Variants in GDA observed in about 807,000 individuals in gnomAD.
The protein encoded by GDA is cytoplasmic PSD-95 interactor.
In GDA, 18 loss-of-function variants were observed where a neutral mutation model predicts 59.6. The observed-to-expected ratio is 0.30, with a 90% confidence interval of 0.21 to 0.45. The LOEUF (loss-of-function observed/expected upper bound fraction) is 0.45. Ranked by LOEUF, GDA falls within the 20% of genes least tolerant of loss-of-function variation. The probability of loss-of-function intolerance (pLI) is 1.00; values close to 1 mark genes in which losing one functional copy is unlikely to be tolerated. For missense variants in GDA, 427 were observed against 552.3 expected (o/e 0.77, Z 2.27); for synonymous variants, 201 against 201.1 (o/e 1.00, Z 0.00).
intron 1 of GDA, among the ~76,000 whole-genome samples, chr9:72,164,424 C>T (rs1829034506): frequency 6.6e-6 from 1 of 151,870 alleles, no homozygotes; most frequent in South Asian, 2.1e-4. Flanking sequence ...AACTGTTGAC[C>T]CTAGGAAGCT....
At chr9:72,165,135 A>G (rs940377424) in intron 1 of GDA, among the ~76,000 whole-genome samples, 1 of 152,174 alleles carries the variant, frequency 6.6e-6, no homozygotes, top group Non-Finnish European at 1.5e-5. Context: ...CTGTATTTGT[A>G]TGATTTTTCC....
chr9:72,255,413 C>T (rs1840861133), downstream of GDA, among the ~76,000 whole-genome samples: 1 of 152,158 alleles, frequency 6.6e-6, no homozygotes, highest in African/African-American at 2.4e-5. Context: ...CCAGTTTCTT[C>T]ACTTTATCCT....
At chr9:72,196,836 T>G (rs1408194151) in intron 2 of GDA, among the ~76,000 whole-genome samples, 1 of 143,110 alleles carries the variant, frequency 7.0e-6, no homozygotes, top group Non-Finnish European at 1.5e-5. Flanking sequence ...AATGAGAACA[T>G]GCGGTGTTTG....
intron 1 of GDA, among the ~76,000 whole-genome samples, chr9:72,144,084 T>G (rs1826537963): frequency 6.6e-6 from 1 of 151,888 alleles, no homozygotes; most frequent in African/African-American, 2.4e-5. Flanking sequence ...TACCCGGGTA[T>G]GGTAGCAGGT....
intron 1 of GDA, among the ~76,000 whole-genome samples, chr9:72,158,656 GTGT>G (rs1041698813): frequency 2.0e-5 from 3 of 151,956 alleles, no homozygotes; most frequent in African/African-American, 7.2e-5. Flanking sequence ...GTGAGATAGT[GTGT>G]TGTTATTATT....
chr9:72,153,972 A>T (rs533933635), intron 1 of GDA, among the ~76,000 whole-genome samples: 11 of 148,198 alleles, frequency 7.4e-5, no homozygotes, highest in Admixed American at 2.7e-4. Flanking sequence ...ATAAAAAAAA[A>T]ATATAGACTC....
chr9:72,140,017 A>G (rs1049088853), intron 1 of GDA, among the ~76,000 whole-genome samples: 1 of 152,038 alleles, frequency 6.6e-6, no homozygotes, highest in African/African-American at 2.4e-5. Flanking sequence ...TCTGGACACT[A>G]TATTCCAAGT....
intron 1 of GDA, among the ~76,000 whole-genome samples, chr9:72,177,343 G>T (rs1180392194): frequency 6.6e-6 from 1 of 151,958 alleles, no homozygotes; most frequent in South Asian, 2.1e-4. Context: ...TGATCCACCC[G>T]CCTCGGCCTC....
intron 1 of GDA, among the ~76,000 whole-genome samples, chr9:72,190,105 CCTTTT>C (rs1188041432): frequency 1.3e-5 from 2 of 151,874 alleles, no homozygotes; most frequent in Admixed American, 1.3e-4. Flanking sequence ...TGTTTTCTTT[CCTTTT>C]CTTGTTTTTT....
intron 1 of GDA, 63 bp from the exon 2 acceptor site, chr9:72,195,436 TA>T: frequency 1.7e-6 from 1 of 579,580 alleles, no homozygotes; most frequent in Admixed American, 3.2e-5. Context: ...ACATATTTAA[TA>T]AAAAACAAAT....
Position 72,250,791 on chromosome 9 carries a change from C to T in GDA, c.*2449C>T. On this transcript the variant is annotated 3_prime_UTR_variant, in exon 14 of 14. Coordinates refer to ENST00000358399, the MANE Select transcript of GDA (RefSeq NM_004293.5). Reference sequence around the variant, plus strand: ...TTACCAGCCTCCTCACCCCATCCTCCACCATTTCCTTAATGTTCCATGGTA... The same window carrying T: ...TTACCAGCCTCCTCACCCCATCCTCTACCATTTCCTTAATGTTCCATGGTA... 1 of 1,609,018 alleles carries T rather than the reference C, an allele frequency of 6.2e-7. No homozygotes were observed. Among genetic ancestry groups the T allele is most frequent in the Non-Finnish European group, 8.5e-7 (1 of 1,176,478 alleles).
intron 1 of GDA, among the ~76,000 whole-genome samples, chr9:72,161,646 G>A (rs1828643658): frequency 6.6e-6 from 1 of 152,128 alleles, no homozygotes; most frequent in African/African-American, 2.4e-5. Context: ...TTTTGGTTTT[G>A]TATTATGGTT....
intron 9 of GDA, among the ~76,000 whole-genome samples, chr9:72,230,117 G>C (rs1181201961): frequency 6.6e-6 from 1 of 152,168 alleles, no homozygotes; most frequent in Non-Finnish European, 1.5e-5. Context: ...TTAGAGTTAT[G>C]TGCATCTTCC....
chr9:72,158,139 C>G (rs1188102427), intron 1 of GDA, among the ~76,000 whole-genome samples: 1 of 152,186 alleles, frequency 6.6e-6, no homozygotes, highest in Non-Finnish European at 1.5e-5. Flanking sequence ...TTGCCCCTTC[C>G]TCTGTTCTTC....
chr9:72,257,203 C>T (rs1330693974), downstream of GDA: 1 of 152,286 alleles, frequency 6.6e-6, no homozygotes, highest in Non-Finnish European at 1.5e-5. Context: ...GACTCTGGGA[C>T]CCGCGACAGA....
At chr9:72,230,577 C>T (rs567029875) in intron 9 of GDA, among the ~76,000 whole-genome samples, 1 of 151,818 alleles carries the variant, frequency 6.6e-6, no homozygotes, top group South Asian at 2.1e-4. Flanking sequence ...GCCCAGGAAC[C>T]ATCTATCCTA....
chr9:72,259,135 C>A (rs928227486), downstream of GDA, among the ~76,000 whole-genome samples: 6 of 151,140 alleles, frequency 4.0e-5, no homozygotes, highest in Non-Finnish European at 7.4e-5. Flanking sequence ...AGCGATTCTT[C>A]TGCCTCAGCC....
intron 1 of GDA, among the ~76,000 whole-genome samples, chr9:72,153,521 A>G (rs1335555236): frequency 1.3e-5 from 2 of 150,936 alleles, no homozygotes; most frequent in African/African-American, 2.4e-5. Context: ...CTATAAAGAC[A>G]CATGCACACG....
At chr9:72,217,922 A>AT (rs1163731291) in intron 5 of GDA, among the ~76,000 whole-genome samples, 16 of 148,584 alleles carry the variant, frequency 1.1e-4, no homozygotes, top group South Asian at 4.3e-4. Flanking sequence ...TCTATTTTTT[A>AT]TTTTTTTTTT....
Sources: allele counts gnomAD v4.1 joint callset (sites outside exome capture counted in the v4.1 genomes callset), GRCh38; gene constraint gnomAD v4.1.1; transcripts MANE v1.5; gene names NCBI Gene and HGNC (gene_info 2026-07-23, HGNC 2026-07-21).